The following FAM240A variants were observed in gnomAD, a reference collection of about 807,000 sequenced individuals.
FAM240A encodes protein FAM240A.
FAM240A carries 8 observed loss-of-function variants against 7.3 expected under a neutral mutation model. That is an observed-to-expected ratio of 1.09 (90% CI 0.64 to 1.97). The LOEUF is 1.97. Ranked by LOEUF, FAM240A falls within the 30% of genes most tolerant of loss-of-function variation. The pLI is 0.00. For synonymous variants in FAM240A, 32 were observed against 35.9 expected, an observed-to-expected ratio of 0.89 and a Z score of 0.38; for missense variants, 90 against 102.2, an observed-to-expected ratio of 0.88 and a Z score of 0.52.
At chr3:46,623,855 T>G (rs1046809076) in intron 2 of FAM240A, among the ~76,000 whole-genome samples, 1 of 152,236 alleles carries the variant, frequency 6.6e-6, no homozygotes, top group African/African-American at 2.4e-5. Flanking sequence ...TTTATTGCGT[T>G]GTTTACACCA....
Position 46,625,255 on chromosome 3 carries a change from C to G in FAM240A, c.*37C>G. On this transcript the variant is annotated 3_prime_UTR_variant, in exon 3 of 3. Coordinates refer to ENST00000640551, the MANE Select transcript of FAM240A (RefSeq NM_001195442.2). ...TTCATTGACACAAGAAGATGCAAAA[C>G]ACTGAGGTCACTTTGCTAGAAGTCA... 1 of 1,433,230 alleles carries G rather than the reference C, an allele frequency of 7.0e-7. No homozygotes were observed. The highest frequency in any genetic ancestry group is 1.2e-5 in the South Asian group (1 of 80,280). The allele number at this position is 1,433,230 out of a possible 1,614,324, so 88.8% of individuals were successfully genotyped here. A position where few individuals can be genotyped will look rare whatever the true frequency, so the allele number is the denominator to read the frequency against.
chr3:46,616,214 C>T (rs1314278680), intron 1 of FAM240A, among the ~76,000 whole-genome samples: 1 of 152,244 alleles, frequency 6.6e-6, no homozygotes, highest in East Asian at 1.9e-4. Flanking sequence ...AGCACTGAGG[C>T]CACCATTGTC....
intron 2 of FAM240A, among the ~76,000 whole-genome samples, chr3:46,622,139 G>A (rs1697705246): frequency 8.2e-6 from 1 of 122,058 alleles, no homozygotes; most frequent in Admixed American, 9.7e-5. Flanking sequence ...TTGAGACAGA[G>A]TCTCACTCTG....
At chr3:46,615,747 C>T (rs1375201515) in intron 1 of FAM240A, among the ~76,000 whole-genome samples, 1 of 152,232 alleles carries the variant, frequency 6.6e-6, no homozygotes, top group Non-Finnish European at 1.5e-5. Flanking sequence ...ACTATATCCA[C>T]TCAGCTGGTC....
In FAM240A at chr3:46,612,581, G is replaced by A. The variant is rs1418367113; in HGVS notation, c.-103G>A. The A allele has an allele frequency of 2.3e-6, 2 of 863,010 alleles. No homozygotes were observed. The highest frequency in any genetic ancestry group is 3.7e-6 in the Non-Finnish European group (2 of 533,974). 53.5% of individuals were successfully genotyped at this position (863,010 alleles called of 1,614,324 possible). A position where few individuals can be genotyped will look rare whatever the true frequency, so the allele number is the denominator to read the frequency against. ...GGACAAATGTTCCTTTGTTCTTGTT[G>A]ATTTGCTGAACGTGAATTGGCTCCT... On this transcript the variant is annotated 5_prime_UTR_variant, in exon 1 of 3. An upstream open reading frame in the 5' UTR loses its in-frame stop. Transcript: ENST00000640551.
At chr3:46,613,195 A>C (rs1395600247) in intron 1 of FAM240A, among the ~76,000 whole-genome samples, 9 of 152,174 alleles carry the variant, frequency 5.9e-5, no homozygotes. Flanking sequence ...TATAATCAAC[A>C]CTATAAACAA....
intron 2 of FAM240A, 145 bp from the exon 3 acceptor site, chr3:46,624,981 ATT>A: frequency 1.9e-5 from 4 of 211,430 alleles, no homozygotes; most frequent in Non-Finnish European, 2.7e-5. Context: ...ATATATATAT[ATT>A]TAAACTTGCA....
intron 1 of FAM240A, among the ~76,000 whole-genome samples, chr3:46,613,895 A>G (rs1460495248): frequency 6.6e-6 from 1 of 152,054 alleles, no homozygotes; most frequent in Non-Finnish European, 1.5e-5. Flanking sequence ...GTGAAGAAGG[A>G]TGGGGTATTA....
At chr3:46,625,075 C>A (rs1235913438) in intron 2 of FAM240A, 53 bp from the exon 3 acceptor site, 3 of 1,358,776 alleles carry the variant, frequency 2.2e-6, no homozygotes, top group Non-Finnish European at 3.0e-6. Context: ...CTCTCCTGAA[C>A]CAAGAGCCAT....
intron 1 of FAM240A, 69 bp downstream of exon 1, chr3:46,612,767 C>T: frequency 8.5e-6 from 11 of 1,300,722 alleles, no homozygotes; most frequent in Non-Finnish European, 1.2e-5. Context: ...TATGGTTTGT[C>T]CAAGTTGGTG....
chr3:46,616,004 G>A (rs1323298345), intron 1 of FAM240A, among the ~76,000 whole-genome samples: 1 of 152,220 alleles, frequency 6.6e-6, no homozygotes, highest in Non-Finnish European at 1.5e-5. Flanking sequence ...AGATGAAGAA[G>A]GTCATGGCCA....
At chr3:46,615,467 G>A (rs902589228) in intron 1 of FAM240A, among the ~76,000 whole-genome samples, 1 of 152,084 alleles carries the variant, frequency 6.6e-6, no homozygotes, top group South Asian at 2.1e-4. Context: ...TCCCGTCCTG[G>A]TCACAGCATC....
chr3:46,614,630 G>A (rs1697607871), intron 1 of FAM240A, among the ~76,000 whole-genome samples: 1 of 152,196 alleles, frequency 6.6e-6, no homozygotes, highest in Non-Finnish European at 1.5e-5. Flanking sequence ...GCATGGTGAG[G>A]CTTATCTCTG....
At chr3:46,621,664 G>C (rs1697696314) in intron 2 of FAM240A, among the ~76,000 whole-genome samples, 1 of 152,080 alleles carries the variant, frequency 6.6e-6, no homozygotes, top group South Asian at 2.1e-4. Flanking sequence ...GGGGGAAAGG[G>C]GGAGTGGGGC....
intron 2 of FAM240A, among the ~76,000 whole-genome samples, chr3:46,618,880 TATACAC>T (rs754968029): frequency 0.078 from 6,431 of 82,598 alleles, 225 homozygotes; most frequent in Non-Finnish European, 0.13. Context: ...TATATATATA[TATACAC>T]ACACACACAC....
intron 1 of FAM240A, among the ~76,000 whole-genome samples, chr3:46,616,323 A>C (rs915278129): frequency 6.6e-6 from 1 of 152,178 alleles, no homozygotes; most frequent in Non-Finnish European, 1.5e-5. Context: ...ATCATGGTTT[A>C]TGGGGGTTCA....
intron 1 of FAM240A, among the ~76,000 whole-genome samples, chr3:46,613,078 A>G (rs1213361890): frequency 6.6e-6 from 1 of 152,238 alleles, no homozygotes; most frequent in Non-Finnish European, 1.5e-5. Flanking sequence ...TAGTCCAAAG[A>G]CAGAAGAAGC....
intron 2 of FAM240A, among the ~76,000 whole-genome samples, chr3:46,619,219 T>C (rs1490559102): frequency 1.3e-5 from 2 of 151,978 alleles, no homozygotes; most frequent in African/African-American, 2.4e-5. Flanking sequence ...GAAAACAAAA[T>C]TGCAAGAGTG....
At chr3:46,624,293 A>G (rs1322697660) in intron 2 of FAM240A, among the ~76,000 whole-genome samples, 20 of 93,556 alleles carry the variant, frequency 2.1e-4, no homozygotes, top group Non-Finnish European at 3.0e-4. Context: ...TTTTTTTGAG[A>G]CAGAGTCTTA....
Sources: allele counts gnomAD v4.1 joint callset (sites outside exome capture counted in the v4.1 genomes callset), GRCh38; gene constraint gnomAD v4.1.1; transcripts MANE v1.5; gene names NCBI Gene and HGNC (gene_info 2026-07-23, HGNC 2026-07-21).